Variants in SLC24A3 observed in about 807,000 individuals in gnomAD.
SLC24A3 encodes the protein solute carrier family 24 member 3, also known as sodium/potassium/calcium exchanger 3.
SLC24A3 carries 28 observed loss-of-function variants against 75.8 expected under a neutral mutation model. That is an observed-to-expected ratio of 0.37 (90% CI 0.27 to 0.51). The LOEUF is 0.51. Among genes scored for constraint, SLC24A3 ranks in the 20% least tolerant of loss-of-function variants. The probability of loss-of-function intolerance (pLI) is 0.94; values close to 1 mark genes in which losing one functional copy is unlikely to be tolerated. For missense variants in SLC24A3, 663 were observed against 847.8 expected (o/e 0.78, Z 2.71); for synonymous variants, 372 against 334.1 (o/e 1.11, Z -1.24).
chr20:19,374,820 C>T (rs992940775), intron 2 of SLC24A3, among the ~76,000 whole-genome samples: 6 of 152,160 alleles, frequency 3.9e-5, no homozygotes, highest in Admixed American at 3.3e-4. Context: ...TCAAAGGCCT[C>T]TCTCTGGCCT....
At chr20:19,433,862 A>T (rs1191093337) in intron 2 of SLC24A3, among the ~76,000 whole-genome samples, 3 of 152,148 alleles carry the variant, frequency 2.0e-5, no homozygotes, top group Admixed American at 1.3e-4. Flanking sequence ...TTTTCTCACT[A>T]GGTTTTTGAC....
At chr20:19,530,986 C>G (rs2030287359) in intron 3 of SLC24A3, among the ~76,000 whole-genome samples, 1 of 152,158 alleles carries the variant, frequency 6.6e-6, no homozygotes, top group Non-Finnish European at 1.5e-5. Context: ...AAATAAGAGC[C>G]ATTGTCCCCA....
At chr20:19,478,314 G>T (rs1352089489) in intron 2 of SLC24A3, among the ~76,000 whole-genome samples, 1 of 152,156 alleles carries the variant, frequency 6.6e-6, no homozygotes, top group Non-Finnish European at 1.5e-5. Flanking sequence ...TATTTCAGAA[G>T]TGGCCATCTG....
At chr20:19,423,700 A>C (rs1986953709) in intron 2 of SLC24A3, among the ~76,000 whole-genome samples, 1 of 152,198 alleles carries the variant, frequency 6.6e-6, no homozygotes, top group African/African-American at 2.4e-5. Flanking sequence ...AGAGGGCTGC[A>C]TGTTTAGAGA....
chr20:19,327,906 T>G (rs1157977866), intron 2 of SLC24A3, among the ~76,000 whole-genome samples: 1 of 151,994 alleles, frequency 6.6e-6, no homozygotes, highest in Non-Finnish European at 1.5e-5. Flanking sequence ...GAGTTTCCAT[T>G]GGGGTGGTGG....
intron 6 of SLC24A3, among the ~76,000 whole-genome samples, chr20:19,625,202 A>G (rs1469893758): frequency 6.6e-6 from 1 of 152,214 alleles, no homozygotes; most frequent in Non-Finnish European, 1.5e-5. Context: ...GAATTGGGGA[A>G]TAGACTCCAC....
intron 6 of SLC24A3, among the ~76,000 whole-genome samples, chr20:19,589,274 G>C (rs1458083043): frequency 3.3e-5 from 5 of 152,256 alleles, no homozygotes; most frequent in African/African-American, 1.2e-4. Context: ...TCTTCTGTGG[G>C]AACTGGGAGA....
At chr20:19,464,773 A>G (rs1305527106) in intron 2 of SLC24A3, among the ~76,000 whole-genome samples, 1 of 152,218 alleles carries the variant, frequency 6.6e-6, no homozygotes. Context: ...CCCATTTTAC[A>G]GGTTAAGAAA....
At chr20:19,324,874 T>C (rs912834077) in intron 2 of SLC24A3, among the ~76,000 whole-genome samples, 3 of 152,214 alleles carry the variant, frequency 2.0e-5, no homozygotes, top group Non-Finnish European at 2.9e-5. Context: ...TTTTTTTCTC[T>C]CAAATTTTAT....
At position 19,213,004 on chromosome 20, in the gene SLC24A3, C is replaced by T. The variant is rs748639920; in HGVS notation, c.142+20C>T. 1.6e-6 allele frequency: 2 copies of T among 1,249,576 alleles called. No individual in the cohort carries two copies. The highest frequency in any genetic ancestry group is 3.0e-5 in the East Asian group (1 of 33,190). 77.4% of individuals were successfully genotyped at this position (1,249,576 alleles called of 1,614,324 possible). On this transcript the variant is annotated intron_variant, in intron 1 of 16. Transcript: ENST00000328041. ...AGAAGGGTGAGTGCACGCTGCCTGC[C>T]CCGAGTGGGCGCTGCGGCTCCGGCG...
chr20:19,276,402 T>C (rs1180211440), intron 1 of SLC24A3, among the ~76,000 whole-genome samples: 2 of 152,208 alleles, frequency 1.3e-5, no homozygotes, highest in Non-Finnish European at 2.9e-5. Flanking sequence ...TTCTGAGAAA[T>C]GCACTGTTAG....
chr20:19,377,771 T>C (rs1986111382), intron 2 of SLC24A3, among the ~76,000 whole-genome samples: 1 of 152,226 alleles, frequency 6.6e-6, no homozygotes, highest in South Asian at 2.1e-4. Context: ...TTTGTGGTCC[T>C]TCCTGACCAC....
At chr20:19,285,439 C>T (rs1435768529) in intron 2 of SLC24A3, among the ~76,000 whole-genome samples, 4 of 136,514 alleles carry the variant, frequency 2.9e-5, no homozygotes, top group Non-Finnish European at 6.0e-5. Context: ...GATCACTCCA[C>T]TGCACTCCAG....
chr20:19,697,162 G>C (rs185307113), intron 14 of SLC24A3, among the ~76,000 whole-genome samples: 1 of 152,108 alleles, frequency 6.6e-6, no homozygotes, highest in African/African-American at 2.4e-5. Context: ...GGGTGATGCC[G>C]TGTTGGTTGA....
Position 19,717,570 on chromosome 20 carries a change from C to G in SLC24A3, c.1762C>G (p.Leu588Val). 1 of 1,614,182 alleles carries G rather than the reference C, an allele frequency of 6.2e-7. No individual in the cohort carries two copies. The highest frequency in any genetic ancestry group is 8.5e-7 in the Non-Finnish European group (1 of 1,180,016). ...GGGGCTGATCTACTCCGTAGGCTTG[C>G]TCCTGGCCTCTGTTTTTGTCACGGT... ...SRGLIYSVGL[L>V]LASVFVTVFG... The change falls in exon 16 of 17, where the codon CTC (leucine) becomes GTC (valine). Residue 588 changes from leucine (L) to valine (V), a missense_variant. Physicochemically the swap from Leu to Val is conservative, Grantham distance 32 (BLOSUM62 1). This residue lies in a region of SLC24A3 where 510 missense variants were observed against 703.6 expected (regional missense o/e 0.72). Coordinates refer to ENST00000328041, the MANE Select transcript of SLC24A3 (RefSeq NM_020689.4).
intron 2 of SLC24A3, among the ~76,000 whole-genome samples, chr20:19,485,010 G>C (rs959043910): frequency 6.6e-6 from 1 of 152,168 alleles, no homozygotes; most frequent in Non-Finnish European, 1.5e-5. Context: ...GGATCAAAAA[G>C]CTACATAATT....
intron 6 of SLC24A3, among the ~76,000 whole-genome samples, chr20:19,607,909 C>T (rs936029196): frequency 6.6e-6 from 1 of 152,222 alleles, no homozygotes; most frequent in African/African-American, 2.4e-5. Flanking sequence ...AGCTGTCTTT[C>T]CCCTGTCCAT....
chr20:19,299,177 C>T (rs1280520896), intron 2 of SLC24A3, among the ~76,000 whole-genome samples: 1 of 130,320 alleles, frequency 7.7e-6, no homozygotes, highest in African/African-American at 3.2e-5. Flanking sequence ...TCTTCCCCTT[C>T]GTGTGTGTGT....
At chr20:19,280,912 G>T in intron 1 of SLC24A3, 47 bp from the exon 2 acceptor site, 1 of 1,600,112 alleles carries the variant, frequency 6.2e-7, no homozygotes, top group Non-Finnish European at 8.5e-7. Context: ...GGCAGAGGCT[G>T]AAACCCAGCT....
Sources: gnomAD v4.1 joint callset for allele counts (sites outside exome capture counted in the v4.1 genomes callset) on GRCh38, gnomAD v4.1.1 for gene constraint, gnomAD v4.1.1 regional missense constraint, MANE v1.5 for transcripts, NCBI Gene and HGNC (gene_info 2026-07-23, HGNC 2026-07-21) for gene names.